ADGRL2: variants seen among roughly 807,000 people sequenced by gnomAD.
ADGRL2 encodes the protein calcium-independent alpha-latrotoxin receptor 2.
A neutral mutation model predicts 157.4 loss-of-function variants in ADGRL2; 44 were observed. That is an observed-to-expected ratio of 0.28 (90% CI 0.22 to 0.36). ADGRL2 has a LOEUF of 0.36. Ranked by LOEUF, ADGRL2 falls within the 10% of genes least tolerant of loss-of-function variation. ADGRL2 has a pLI of 1.00. For missense variants in ADGRL2, 1,510 were observed against 1,768.9 expected (o/e 0.85, Z 2.63); for synonymous variants, 585 against 624.7 (o/e 0.94, Z 0.95).
intron 1 of ADGRL2, among the ~76,000 whole-genome samples, chr1:81,706,504 G>A (rs1485601221): frequency 6.6e-6 from 1 of 152,194 alleles, no homozygotes; most frequent in African/African-American, 2.4e-5. Context: ...CAGTGTGCAG[G>A]TGGAAACCTG....
chr1:81,915,599 A>G (rs2094837386), intron 3 of ADGRL2, among the ~76,000 whole-genome samples: 1 of 152,186 alleles, frequency 6.6e-6, no homozygotes. Flanking sequence ...TTATTCAGTG[A>G]AATTCAGAAG....
Position 81,432,412 on chromosome 1 carries a change from C to T in ADGRL2, c.-301-12624C>T, listed in dbSNP as rs369895051. ...AGGATTCAGATGAGCCACCCCAGTG[C>T]GTATGCAGGAAACAAAACAGGATAT... On this transcript the variant is annotated intron_variant, in intron 1 of 24. Transcript: ENST00000370721. Among the ~76,000 whole-genome samples the T allele has an allele frequency of 4.2e-4, 64 of 152,230 alleles. No homozygotes were observed. The South Asian group carries it at 8.3e-3, about 20-fold the overall frequency.
At position 81,943,600 on chromosome 1, in the gene ADGRL2, T is replaced by G. The variant is rs552007701; in HGVS notation, c.1041T>G (p.Ile347Met). The change falls in exon 6 of 24, where the codon ATT becomes ATG. Residue 347 changes from isoleucine (I) to methionine (M), a missense_variant. By Grantham distance (10) the Ile-to-Met change is conservative (BLOSUM62 1). Transcript: ENST00000686636. The surrounding 1 kb of genome is among the most constrained non-coding windows in gnomAD (Gnocchi z 5.6). Reference protein sequence around the residue: ...SETGKNSIDYIYNTRLNRGEY... With the variant: ...SETGKNSIDYMYNTRLNRGEY... ...CAGGCAAGAACTCAATTGATTACAT[T>G]TATAATACCCGATTAAACCGAGGAG... 13 of 1,613,762 alleles carry G rather than the reference T, an allele frequency of 8.1e-6. No individual in the cohort carries two copies. The East Asian group carries it at 2.9e-4, about 36-fold the overall frequency.
intron 2 of ADGRL2, among the ~76,000 whole-genome samples, chr1:81,493,904 G>A (rs1454044891): frequency 1.3e-5 from 2 of 152,012 alleles, no homozygotes; most frequent in East Asian, 3.9e-4. Context: ...TAAAACGTGG[G>A]GACAGCTGTA....
intron 2 of ADGRL2, among the ~76,000 whole-genome samples, chr1:81,569,318 A>G (rs1262153927): frequency 6.6e-6 from 1 of 152,236 alleles, no homozygotes; most frequent in Non-Finnish European, 1.5e-5. Context: ...AAGGTCACAC[A>G]TCTAGCAAGT....
At chr1:81,696,709 A>T (rs1417110979), upstream of ADGRL2, among the ~76,000 whole-genome samples, 1 of 152,114 alleles carries the variant, frequency 6.6e-6, no homozygotes, top group African/African-American at 2.4e-5. Context: ...CCAAGATCAC[A>T]CCACTGCACT....
chr1:81,519,428 A>G (rs1557753336), intron 2 of ADGRL2, among the ~76,000 whole-genome samples: 1 of 152,204 alleles, frequency 6.6e-6, no homozygotes, highest in Non-Finnish European at 1.5e-5. Context: ...ACTTCTAGGA[A>G]TATACCCAAG....
At chr1:81,793,012 AGAT>A (rs2149425013) in intron 2 of ADGRL2, among the ~76,000 whole-genome samples, 1 of 152,214 alleles carries the variant, frequency 6.6e-6, no homozygotes, top group East Asian at 1.9e-4. Flanking sequence ...CTTAATCAGA[AGAT>A]GTTTTGCTCT....
chr1:81,779,269 G>A (rs1474839497), intron 2 of ADGRL2, among the ~76,000 whole-genome samples: 1 of 152,158 alleles, frequency 6.6e-6, no homozygotes, highest in Non-Finnish European at 1.5e-5. Flanking sequence ...TGTCTAAGGG[G>A]TTCGAGAAGT....
intron 1 of ADGRL2, among the ~76,000 whole-genome samples, chr1:81,432,500 A>T (rs927313780): frequency 6.6e-6 from 1 of 152,218 alleles, no homozygotes; most frequent in Non-Finnish European, 1.5e-5. Flanking sequence ...TGAACTTTTA[A>T]AAACTCAAGG....
intron 3 of ADGRL2, among the ~76,000 whole-genome samples, chr1:81,621,763 A>C (rs2081795664): frequency 6.6e-6 from 1 of 152,192 alleles, no homozygotes; most frequent in Non-Finnish European, 1.5e-5. Flanking sequence ...AGATGCCTCT[A>C]TATTTTAATC....
chr1:81,307,424 T>C (rs1197665401), intron 1 of ADGRL2, among the ~76,000 whole-genome samples: 2 of 152,186 alleles, frequency 1.3e-5, no homozygotes, highest in Non-Finnish European at 2.9e-5. Flanking sequence ...TGAAATGTCA[T>C]AACATTATAG....
intron 2 of ADGRL2, among the ~76,000 whole-genome samples, chr1:81,782,446 A>T (rs994271094): frequency 1.3e-5 from 2 of 152,194 alleles, no homozygotes; most frequent in Admixed American, 6.5e-5. Context: ...GATATACTTT[A>T]AAAAATTAAT....
At chr1:81,853,985 T>C (rs2093113236) in intron 2 of ADGRL2, among the ~76,000 whole-genome samples, 1 of 152,174 alleles carries the variant, frequency 6.6e-6, no homozygotes, top group African/African-American at 2.4e-5. Context: ...ATTCTGTTAA[T>C]CATGTTTTCT....
At chr1:81,886,740 A>G (rs1431901458) in intron 2 of ADGRL2, among the ~76,000 whole-genome samples, 1 of 152,198 alleles carries the variant, frequency 6.6e-6, no homozygotes, top group African/African-American at 2.4e-5. Flanking sequence ...TTTCAAATAA[A>G]AATAATTTTA....
At chr1:81,978,129 A>G (rs535352150) in intron 17 of ADGRL2, among the ~76,000 whole-genome samples, 9 of 151,576 alleles carry the variant, frequency 5.9e-5, no homozygotes, top group Non-Finnish European at 1.3e-4. Flanking sequence ...TTAGAGGTAC[A>G]CTTTACCATG....
intron 3 of ADGRL2, among the ~76,000 whole-genome samples, chr1:81,926,410 G>A (rs2095107955): frequency 6.6e-6 from 1 of 151,932 alleles, no homozygotes; most frequent in Non-Finnish European, 1.5e-5. Context: ...GCTCTGCAAG[G>A]TCATGTCTTA....
chr1:81,796,104 C>T (rs1436242131), upstream of ADGRL2, among the ~76,000 whole-genome samples: 1 of 152,162 alleles, frequency 6.6e-6, no homozygotes, highest in Non-Finnish European at 1.5e-5. Flanking sequence ...AATTCTCCTG[C>T]CTCAGCCTCC....
rs79556107 is a variant in ADGRL2 at position 81,920,607 on chromosome 1, A to G, written c.287+13377A>G. On this transcript the variant is annotated intron_variant, in intron 3 of 23. Coordinates refer to ENST00000686636, the MANE Select transcript of ADGRL2 (RefSeq NM_001366006.2). ...TTGCTTCATTTCAGGGACATCTCTG[A>G]AGGTCTCTGCCAACTCCAGAGCTCC... 9.8e-3 allele frequency among the ~76,000 whole-genome samples: 1,497 copies of G among 152,226 alleles called. 29 individuals are homozygous for G. The highest frequency in any genetic ancestry group is 0.034 in the African/African-American group (1,426 of 41,546).
Sources: allele counts gnomAD v4.1 joint callset (sites outside exome capture counted in the v4.1 genomes callset), GRCh38; gene constraint gnomAD v4.1.1; non-coding constraint Gnocchi (gnomAD v3.1); transcripts MANE v1.5; gene names NCBI Gene and HGNC (gene_info 2026-07-23, HGNC 2026-07-21).